ZFPM1: variants seen among roughly 807,000 people sequenced by gnomAD.
The protein encoded by ZFPM1 is zinc finger protein, FOG family member 1.
ZFPM1 carries 28 observed loss-of-function variants against 46.3 expected under a neutral mutation model. The ratio of observed to expected loss-of-function variants is 0.60; its 90% confidence interval spans 0.45 to 0.83. The LOEUF (loss-of-function observed/expected upper bound fraction) is 0.83. Among genes scored for constraint, ZFPM1 ranks in the 40% least tolerant of loss-of-function variants. The probability of loss-of-function intolerance (pLI) is 0.00; values close to 1 mark genes in which losing one functional copy is unlikely to be tolerated. For missense variants in ZFPM1, 1,878 were observed against 1,432.4 expected, an observed-to-expected ratio of 1.31 and a Z score of -5.02; for synonymous variants, 957 against 675.9, an observed-to-expected ratio of 1.42 and a Z score of -6.45.
At chr16:88,467,113 G>A (rs1416872949) in intron 1 of ZFPM1, among the ~76,000 whole-genome samples, 3 of 152,192 alleles carry the variant, frequency 2.0e-5, no homozygotes, top group Middle Eastern at 3.4e-3. Flanking sequence ...ACAGTGTGCC[G>A]ATGACCTCAG....
chr16:88,534,832 G>C lies in ZFPM1; in HGVS notation c.2874G>C (p.Gln958His), dbSNP rs370348929. 129 of 1,546,788 alleles carry C rather than the reference G, an allele frequency of 8.3e-5. No homozygotes were observed. The highest frequency in any genetic ancestry group is 1.1e-4 in the Non-Finnish European group (128 of 1,154,106). Residue 958 changes from glutamine to histidine, a missense_variant, in exon 10 of 10, where the codon CAG becomes CAC. Transcript: ENST00000319555. ...CCTCCTACTCGGACAAGGGCGTCCA[G>C]ACTCCCAGCAAGGGCACGCCGGCGC... ...APPSYSDKGV[Q>H]TPSKGTPAPL...
intron 4 of ZFPM1, among the ~76,000 whole-genome samples, chr16:88,519,842 G>A (rs1360773040): frequency 6.6e-6 from 1 of 151,696 alleles, no homozygotes; most frequent in African/African-American, 2.4e-5. Flanking sequence ...ATAGATGGTG[G>A]GTAGATGGAT....
At chr16:88,502,581 G>A (rs1279585141) in intron 3 of ZFPM1, among the ~76,000 whole-genome samples, 9 of 152,150 alleles carry the variant, frequency 5.9e-5, no homozygotes, top group African/African-American at 1.7e-4. Flanking sequence ...GTCCCTTCCC[G>A]TCCAGTGCTG....
intron 3 of ZFPM1, among the ~76,000 whole-genome samples, chr16:88,504,927 G>T (rs1910566894): frequency 6.6e-6 from 1 of 152,044 alleles, no homozygotes; most frequent in Non-Finnish European, 1.5e-5. Context: ...GGGCCCCCAG[G>T]TCCCTGCAGG....
chr16:88,514,329 G>A, intron 3 of ZFPM1, 58 bp from the exon 4 acceptor site: 1 of 1,545,416 alleles, frequency 6.5e-7, no homozygotes. Flanking sequence ...CCTAGCGGGA[G>A]GTGGGCTGGA....
intron 3 of ZFPM1, among the ~76,000 whole-genome samples, chr16:88,492,086 C>T (rs1047108652): frequency 7.2e-5 from 11 of 152,044 alleles, no homozygotes; most frequent in Non-Finnish European, 1.2e-4. Context: ...GTGAGCCCCT[C>T]TCTCTCTCCC....
At chr16:88,453,916 G>A (rs1364658130) in intron 1 of ZFPM1, among the ~76,000 whole-genome samples, 1 of 151,908 alleles carries the variant, frequency 6.6e-6, no homozygotes, top group Non-Finnish European at 1.5e-5. Context: ...CCCGGAGGCC[G>A]GGAGGAGGGT....
At chr16:88,453,777 G>T in intron 1 of ZFPM1, 99 bp downstream of exon 1, 1 of 718,942 alleles carries the variant, frequency 1.4e-6, no homozygotes, top group Non-Finnish European at 1.7e-6. Context: ...TGCCCTGGGC[G>T]CCGGCGACCT....
chr16:88,517,476 GTGGA>G (rs142475772), intron 4 of ZFPM1, among the ~76,000 whole-genome samples: 29,345 of 130,536 alleles, frequency 0.22, 3,241 homozygotes, highest in Middle Eastern at 0.36. Flanking sequence ...GGATGGCTGG[GTGGA>G]TGGATGGATG....
intron 3 of ZFPM1, among the ~76,000 whole-genome samples, chr16:88,510,662 CCCT>C (rs1295349954): frequency 6.6e-6 from 1 of 152,094 alleles, no homozygotes; most frequent in African/African-American, 2.4e-5. Flanking sequence ...AGGTCCCGCC[CCCT>C]CCTCAGGAGA....
intron 9 of ZFPM1, 83 bp from the exon 10 acceptor site, chr16:88,533,065 C>T: frequency 2.8e-6 from 4 of 1,450,990 alleles, no homozygotes; most frequent in Non-Finnish European, 3.7e-6. Context: ...GCCCACCCCT[C>T]CCCTTCCGGA....
intron 1 of ZFPM1, among the ~76,000 whole-genome samples, chr16:88,460,927 C>T (rs1245274307): frequency 6.7e-5 from 2 of 29,792 alleles, no homozygotes; most frequent in Non-Finnish European, 1.2e-4. Flanking sequence ...AGGGGCGGGG[C>T]GGGAGGCCTG....
Position 88,535,252 on chromosome 16 carries a change from CGGCCCGGAGTGGCTG to C in ZFPM1, c.*279_*293del. The C allele has an allele frequency of 3.4e-6, 1 of 296,716 alleles. No homozygotes were observed. Among genetic ancestry groups the C allele is most frequent in the Non-Finnish European group, 6.2e-6 (1 of 162,132 alleles). The allele number at this position is 296,716 out of a possible 1,614,324, so 18.4% of individuals were successfully genotyped here. A position where few individuals can be genotyped will look rare whatever the true frequency, so the allele number is the denominator to read the frequency against. ...GCCCTGCTGTGTACACAGGCCACTGCGGCCCGGAGTGGCTGGGCCCCTGCCGGAGTTACACCACTG... is the reference window on the plus strand; with the variant it reads ...GCCCTGCTGTGTACACAGGCCACTGCGGCCCCTGCCGGAGTTACACCACTG... On this transcript the variant is annotated 3_prime_UTR_variant, in exon 10 of 10. Coordinates refer to ENST00000319555, the MANE Select transcript of ZFPM1 (RefSeq NM_153813.3).
rs142036328 is a variant in ZFPM1 at position 88,497,822 on chromosome 16, G to C, written c.268+8669G>C. On this transcript the variant is annotated intron_variant, in intron 3 of 9. Coordinates refer to ENST00000319555, the MANE Select transcript of ZFPM1 (RefSeq NM_153813.3). The surrounding 1 kb of genome is among the most constrained non-coding windows in gnomAD (Gnocchi z 5.4). ...CCTCACCCGAGTGTGTGAGGGCGTCGGGCTGGTTATCTGGGCCGAGCTCCA... is the reference window on the plus strand; with the variant it reads ...CCTCACCCGAGTGTGTGAGGGCGTCCGGCTGGTTATCTGGGCCGAGCTCCA... Among the ~76,000 whole-genome samples the C allele has an allele frequency of 6.6e-6, 1 of 152,176 alleles. No individual in the cohort carries two copies. The highest frequency in any genetic ancestry group is 1.5e-5 in the Non-Finnish European group (1 of 68,024).
chr16:88,514,946 C>G (rs1911204690), intron 4 of ZFPM1, among the ~76,000 whole-genome samples: 1 of 152,204 alleles, frequency 6.6e-6, no homozygotes, highest in Non-Finnish European at 1.5e-5. Context: ...GCACGGCCGT[C>G]AGGCCCATGG....
chr16:88,474,088 C>T (rs1447663931), intron 1 of ZFPM1, among the ~76,000 whole-genome samples: 1 of 152,238 alleles, frequency 6.6e-6, no homozygotes, highest in African/African-American at 2.4e-5. Context: ...GCGCAGGCCG[C>T]ACCGATAGGA....
intron 1 of ZFPM1, among the ~76,000 whole-genome samples, chr16:88,481,640 C>T (rs917902129): frequency 1.1e-4 from 17 of 152,034 alleles, no homozygotes; most frequent in African/African-American, 4.1e-4. Flanking sequence ...ACCGAGTCCC[C>T]GTACTGTCCT....
intron 1 of ZFPM1, among the ~76,000 whole-genome samples, chr16:88,455,853 G>T (rs1907532948): frequency 6.6e-6 from 1 of 152,304 alleles, no homozygotes; most frequent in Non-Finnish European, 1.5e-5. Context: ...GGCTGCCGAC[G>T]GGGAGCGCGG....
chr16:88,522,774 C>T (rs925527897), intron 4 of ZFPM1, among the ~76,000 whole-genome samples: 16 of 152,214 alleles, frequency 1.1e-4, no homozygotes, highest in African/African-American at 2.9e-4. Flanking sequence ...TGGGCTCTAG[C>T]GTCCTCCGTG....
Sources: allele counts gnomAD v4.1 joint callset (sites outside exome capture counted in the v4.1 genomes callset), GRCh38; gene constraint gnomAD v4.1.1; non-coding constraint Gnocchi (gnomAD v3.1); transcripts MANE v1.5; gene names NCBI Gene and HGNC (gene_info 2026-07-23, HGNC 2026-07-21).